CLASRP: variants seen among roughly 807,000 people sequenced by gnomAD.
The protein encoded by CLASRP is CLK4 associating serine/arginine rich protein, also known as CLK4-associating serine/arginine rich protein.
In CLASRP, 52 loss-of-function variants were observed where a neutral mutation model predicts 99.9. The observed-to-expected ratio is 0.52, with a 90% CI of 0.42 to 0.66. The LOEUF (loss-of-function observed/expected upper bound fraction) is 0.66, where lower values mean the gene tolerates loss of function less well. Ranked by LOEUF, CLASRP falls within the 30% of genes least tolerant of loss-of-function variation. The pLI, the probability that CLASRP is intolerant of heterozygous loss-of-function variation, is 0.00. For missense variants in CLASRP, 848 were observed against 999.2 expected (o/e 0.85, Z 2.04); for synonymous variants, 379 against 373.0 (o/e 1.02, Z -0.18).
intron 2 of CLASRP, among the ~76,000 whole-genome samples, chr19:45,047,175 C>T (rs779532601): frequency 2.0e-5 from 3 of 152,012 alleles, no homozygotes; most frequent in East Asian, 1.9e-4. Context: ...CTACACATAA[C>T]GCAATATTAT....
intron 2 of CLASRP, among the ~76,000 whole-genome samples, chr19:45,043,511 A>T (rs1206080565): frequency 3.3e-5 from 5 of 151,664 alleles, no homozygotes; most frequent in Non-Finnish European, 5.9e-5. Flanking sequence ...TCACGTTTGT[A>T]CCCTAGGGTT....
In CLASRP at chr19:45,060,751, G is replaced by A. The variant is rs2122582340; in HGVS notation, c.863+124G>A. 1.3e-6 allele frequency: 1 copy of A among 742,178 alleles called. No homozygotes were observed. 46.0% of individuals were successfully genotyped at this position (742,178 alleles called of 1,614,324 possible). ...GAGAAAGGAGTCTTTCTAGTGGGGCGATGCATGGCCATCGTGAAGGTTTAG... is the reference window on the plus strand; with the variant it reads ...GAGAAAGGAGTCTTTCTAGTGGGGCAATGCATGGCCATCGTGAAGGTTTAG... On this transcript the variant is annotated intron_variant, in intron 10 of 20. Coordinates refer to ENST00000221455, the MANE Select transcript of CLASRP (RefSeq NM_007056.3). The surrounding 1 kb of genome is among the most constrained non-coding windows in gnomAD (Gnocchi z 4.6).
At chr19:45,054,813 G>A (rs187174861) in intron 5 of CLASRP, among the ~76,000 whole-genome samples, 14 of 152,274 alleles carry the variant, frequency 9.2e-5, no homozygotes, top group African/African-American at 3.4e-4. Context: ...TGCGTGGGGT[G>A]GTTGTAAGAG....
chr19:45,064,570 G>C lies in CLASRP; in HGVS notation c.1349G>C (p.Gly450Ala). The C allele has an allele frequency of 6.5e-7, 1 of 1,541,474 alleles. No individual in the cohort carries two copies. Among genetic ancestry groups the C allele is most frequent in the Non-Finnish European group, 8.7e-7 (1 of 1,148,138 alleles). The change falls in exon 13 of 21, where the codon GGA becomes GCA. Residue 450 changes from glycine (G) to alanine (A), a missense_variant. Physicochemically the swap from Gly to Ala is moderately conservative, Grantham distance 60 (BLOSUM62 0). Coordinates refer to ENST00000221455, the MANE Select transcript of CLASRP (RefSeq NM_007056.3). ...RRHSGGGSRD[G>A]HRYSRSPARR... ...CACTCAGGTGGGGGCTCCCGAGACG[G>C]ACACCGGTACTCCCGCTCGCCCGCC...
rs1013886983 is a variant in CLASRP, at chr19:45,042,668, A to C, written c.99+2357A>C. On this transcript the variant is annotated intron_variant, in intron 2 of 20. Coordinates refer to ENST00000221455, the MANE Select transcript of CLASRP (RefSeq NM_007056.3). ...TGCTTAGTCGCCCAGGCTGGAGTGC[A>C]GTGGCATGATGTCAGCTCACTGTAA... Among the ~76,000 whole-genome samples the C allele has an allele frequency of 4.9e-4, 74 of 151,214 alleles. 1 individual carries two copies. The highest frequency in any genetic ancestry group is 1.8e-3 in the African/African-American group (72 of 41,128).
chr19:45,068,015 G>A lies in CLASRP; in HGVS notation c.1668G>A (p.Lys556=). 2 of 1,613,146 alleles carry A rather than the reference G, an allele frequency of 1.2e-6. No individual in the cohort carries two copies. Among genetic ancestry groups the A allele is most frequent in the Non-Finnish European group, 1.7e-6 (2 of 1,179,254 alleles). ...GTCCTCTGGCCCTGCCCCCACCCAG[G>A]ACCGAACCTGCCGCTGGTAAAGAGA... is the stretch of plus-strand genomic sequence containing the variant. ...ASPAVGEKLK[K]TEPAAGKETG... Residue 556 remains lysine, a splice_region_variant and synonymous_variant, in exon 15 of 21, where the codon AAG becomes AAA. Transcript: ENST00000221455.
intron 3 of CLASRP, among the ~76,000 whole-genome samples, chr19:45,052,403 G>A (rs941179833): frequency 6.6e-5 from 10 of 152,200 alleles, no homozygotes; most frequent in Non-Finnish European, 1.5e-4. Flanking sequence ...AGAAATGGGT[G>A]GAGCCAGGGC....
intron 15 of CLASRP, 34 bp downstream of exon 15, chr19:45,068,088 C>T: frequency 6.2e-7 from 1 of 1,608,470 alleles, no homozygotes; most frequent in Non-Finnish European, 8.5e-7. Context: ...CCGTCTAATT[C>T]CCGTCAGCAG....
rs1972047864 is a variant in CLASRP at position 45,052,744 on chromosome 19, A to G, written c.198-47A>G. ...GGAGCAGGTGCTTTGTGTCCTGGGC[A>G]GTATGGACCCTGAGGTTCTTGCTTT... is the stretch of plus-strand genomic sequence containing the variant. On this transcript the variant is annotated intron_variant, in intron 3 of 20. Transcript: ENST00000221455. 7.2e-6 allele frequency: 10 copies of G among 1,387,050 alleles called. No individual in the cohort carries two copies. The East Asian group carries it at 1.8e-4, about 25-fold the overall frequency. 85.9% of individuals were successfully genotyped at this position (1,387,050 alleles called of 1,614,324 possible).
chr19:45,068,817 C>T (rs1055062162), intron 16 of CLASRP, among the ~76,000 whole-genome samples: 1 of 151,916 alleles, frequency 6.6e-6, no homozygotes, highest in Non-Finnish European at 1.5e-5. Context: ...ACGGTGAAAC[C>T]CCGTCTCTCT....
At chr19:45,044,372 G>A (rs1002822258) in intron 2 of CLASRP, among the ~76,000 whole-genome samples, 5 of 152,134 alleles carry the variant, frequency 3.3e-5, no homozygotes, top group East Asian at 1.9e-4. Context: ...TTGTGTCTCC[G>A]CTTCATCAAA....
chr19:45,045,982 A>G (rs1971909636), intron 2 of CLASRP, among the ~76,000 whole-genome samples: 1 of 151,922 alleles, frequency 6.6e-6, no homozygotes, highest in Non-Finnish European at 1.5e-5. Flanking sequence ...GTGACGACCA[A>G]CCCCTCTCAC....
chr19:45,069,134 G>T lies in CLASRP; in HGVS notation c.1827+10G>T, dbSNP rs1211525612. 6.2e-7 allele frequency: 1 copy of T among 1,614,066 alleles called. No homozygotes were observed. Among genetic ancestry groups the T allele is most frequent in the Non-Finnish European group, 8.5e-7 (1 of 1,179,910 alleles). Reference sequence around the variant, plus strand: ...GGAGCATGAGCGGCAGGTGAAGTGGGAAAGGGAGGGCTGGGGTGACGGGTG... The same window carrying T: ...GGAGCATGAGCGGCAGGTGAAGTGGTAAAGGGAGGGCTGGGGTGACGGGTG... On this transcript the variant is annotated intron_variant, in intron 17 of 20. Transcript: ENST00000221455.
Position 45,068,034 on chromosome 19 carries a change from A to G in CLASRP, c.1687A>G (p.Lys563Glu), listed in dbSNP as rs1177391932. 9 of 1,613,758 alleles carry G rather than the reference A, an allele frequency of 5.6e-6. No individual in the cohort carries two copies. Among genetic ancestry groups the G allele is most frequent in the Non-Finnish European group, 7.6e-6 (9 of 1,179,824 alleles). Residue 563 changes from lysine (K) to glutamate (E), a missense_variant, in exon 15 of 21, where the codon AAA becomes GAA. By Grantham distance (56) the Lys-to-Glu change is moderately conservative (BLOSUM62 1). Around this residue, in one of 8 missense-constraint regions of CLASRP, gnomAD observed 116 missense variants for 162.7 expected, o/e 0.71. Transcript: ENST00000221455. ...KLKKTEPAAG[K>E]ETGAAKPKLT... ...ACCCAGGACCGAACCTGCCGCTGGT[A>G]AAGAGACAGGAGCTGCCAAAGTCAG...
chr19:45,058,268 C>G (rs1021232988), intron 7 of CLASRP: 12 of 234,490 alleles, frequency 5.1e-5, no homozygotes, highest in African/African-American at 2.4e-4. Context: ...CGCCAGGCAT[C>G]TGTTCACCCT....
At chr19:45,054,174 G>T (rs1972078534) in intron 5 of CLASRP, among the ~76,000 whole-genome samples, 1 of 152,228 alleles carries the variant, frequency 6.6e-6, no homozygotes. Context: ...GATCCCAACA[G>T]ACTTGGGCTT....
At position 45,053,191 on chromosome 19, in the gene CLASRP, G is replaced by C. The variant is rs73941106; in HGVS notation, c.379+14G>C. ...ACTTTGCCGGCAGTGAGTGATCTGT[G>C]GGGGGACGTGGGGTGTGGGGTTTGA... On this transcript the variant is annotated intron_variant, in intron 5 of 20. Coordinates refer to ENST00000221455, the MANE Select transcript of CLASRP (RefSeq NM_007056.3). The C allele has an allele frequency of 6.3e-5, 101 of 1,613,096 alleles. No individual in the cohort carries two copies. Among genetic ancestry groups the C allele is most frequent in the Non-Finnish European group, 7.9e-5 (93 of 1,179,370 alleles).
chr19:45,056,134 C>T (rs972832810), intron 5 of CLASRP, among the ~76,000 whole-genome samples: 7 of 152,094 alleles, frequency 4.6e-5, no homozygotes, highest in African/African-American at 1.7e-4. Flanking sequence ...AGCCAGAGGC[C>T]TCCAGAAACA....
In CLASRP at chr19:45,067,736, T is replaced by C. The variant is rs983180690; in HGVS notation, c.1667+142T>C. On this transcript the variant is annotated intron_variant, in intron 14 of 20. Transcript: ENST00000221455. This position sits in a 1 kb window ranked among gnomAD's most constrained non-coding sequence, Gnocchi z 4.9. The stretch of plus-strand genomic sequence containing the variant: ...TATGGCCCTGGCCTGGGAGGGTGGA[T>C]TTCAGGGGGACACAGCCCTGGCCTG... 9 of 804,100 alleles carry C rather than the reference T, an allele frequency of 1.1e-5. No individual in the cohort carries two copies. Among genetic ancestry groups the C allele is most frequent in the Non-Finnish European group, 1.7e-5 (9 of 519,680 alleles). 49.8% of individuals were successfully genotyped at this position (804,100 alleles called of 1,614,324 possible). A position where few individuals can be genotyped will look rare whatever the true frequency, so the allele number is the denominator to read the frequency against.
Sources: gnomAD v4.1 joint callset for allele counts (sites outside exome capture counted in the v4.1 genomes callset) on GRCh38, gnomAD v4.1.1 for gene constraint, gnomAD v4.1.1 regional missense constraint, Gnocchi (gnomAD v3.1) non-coding constraint, MANE v1.5 for transcripts, NCBI Gene and HGNC (gene_info 2026-07-23, HGNC 2026-07-21) for gene names.